APBB1: variants seen among roughly 807,000 people sequenced by gnomAD.
APBB1 encodes the protein adaptor protein FE65a2.
Under a neutral mutation model 78.4 loss-of-function variants are expected in APBB1, and 22 were observed. The ratio of observed to expected loss-of-function variants is 0.28; its 90% confidence interval spans 0.20 to 0.40. The LOEUF (loss-of-function observed/expected upper bound fraction) is 0.40. Ranked by LOEUF, APBB1 falls within the 10% of genes least tolerant of loss-of-function variation. The pLI is 1.00. For synonymous variants in APBB1, 369 were observed against 372.7 expected (o/e 0.99, Z 0.12); for missense variants, 749 against 932.4 (o/e 0.80, Z 2.56).
Position 6,403,985 on chromosome 11 carries a change from C to T in APBB1, c.722-163G>A. Reference sequence around the variant, plus strand: ...CCTAGAGCCTATAGTCTGGAGTCACCACATGTGGGGCCACCAGTAGGGGAC... The same window carrying T: ...CCTAGAGCCTATAGTCTGGAGTCACTACATGTGGGGCCACCAGTAGGGGAC... On this transcript the variant is annotated intron_variant, in intron 2 of 14. Coordinates refer to ENST00000609360, the MANE Select transcript of APBB1 (RefSeq NM_001164.5). The surrounding 1 kb of genome is among the most constrained non-coding windows in gnomAD (Gnocchi z 5.3). The T allele has an allele frequency of 1.4e-6, 1 of 707,638 alleles. No homozygotes were observed. The highest frequency in any genetic ancestry group is 2.1e-6 in the Non-Finnish European group (1 of 466,784). The allele number at this position is 707,638 out of a possible 1,614,324, so 43.8% of individuals were successfully genotyped here. A position where few individuals can be genotyped will look rare whatever the true frequency, so the allele number is the denominator to read the frequency against.
At chr11:6,406,201 C>A (rs1564942959) in intron 2 of APBB1, among the ~76,000 whole-genome samples, 1 of 152,226 alleles carries the variant, frequency 6.6e-6, no homozygotes, top group Non-Finnish European at 1.5e-5. Context: ...TTCACTCCTG[C>A]ATCGATTCAT....
intron 12 of APBB1, 54 bp downstream of exon 12, chr11:6,400,935 G>C (rs1848467499): frequency 1.3e-6 from 2 of 1,529,350 alleles, no homozygotes; most frequent in South Asian, 2.2e-5. Context: ...AGAGGGTAGG[G>C]GCAGAGTTTT....
At position 6,395,994 on chromosome 11, in the gene APBB1, A is replaced by T. The variant is rs1471354611; in HGVS notation, c.1789-32T>A. On this transcript the variant is annotated intron_variant, in intron 13 of 14. Coordinates refer to ENST00000609360, the MANE Select transcript of APBB1 (RefSeq NM_001164.5). The surrounding 1 kb of genome is among the most constrained non-coding windows in gnomAD (Gnocchi z 5.2). Reference sequence around the variant, plus strand: ...GGAGGGAACTCAGTTAAAAAGGAACACCAACCCCACACTGTGTTCCACATC... The same window carrying T: ...GGAGGGAACTCAGTTAAAAAGGAACTCCAACCCCACACTGTGTTCCACATC... The T allele has an allele frequency of 6.2e-7, 1 of 1,608,880 alleles. No individual in the cohort carries two copies. The highest frequency in any genetic ancestry group is 1.7e-5 in the Admixed American group (1 of 59,766).
chr11:6,403,600 C>T lies in APBB1; in HGVS notation c.897+47G>A. 2 of 1,613,778 alleles carry T rather than the reference C, an allele frequency of 1.2e-6. No individual in the cohort carries two copies. Among genetic ancestry groups the T allele is most frequent in the Non-Finnish European group, 1.7e-6 (2 of 1,179,724 alleles). ...TGTCCTATCCTACTCCAGCAGCACA[C>T]ACTCCCTCCACCCCTGGCCCAAAAT... On this transcript the variant is annotated intron_variant, in intron 3 of 14. Transcript: ENST00000609360. The surrounding 1 kb of genome is among the most constrained non-coding windows in gnomAD (Gnocchi z 5.3).
At position 6,403,605 on chromosome 11, in the gene APBB1, C is replaced by T. The variant is rs762761552; in HGVS notation, c.897+42G>A. 4 of 1,613,346 alleles carry T rather than the reference C, an allele frequency of 2.5e-6. No homozygotes were observed. In the South Asian group the frequency reaches 3.3e-5, roughly 13 times the overall value. On this transcript the variant is annotated intron_variant, in intron 3 of 14. Coordinates refer to ENST00000609360, the MANE Select transcript of APBB1 (RefSeq NM_001164.5). This position sits in a 1 kb window ranked among gnomAD's most constrained non-coding sequence, Gnocchi z 5.3. The stretch of plus-strand genomic sequence containing the variant: ...TATCCTACTCCAGCAGCACACACTC[C>T]CTCCACCCCTGGCCCAAAATCAACA...
At chr11:6,399,564 AG>A (rs1276215593) in intron 12 of APBB1, among the ~76,000 whole-genome samples, 16 of 152,146 alleles carry the variant, frequency 1.1e-4, no homozygotes, top group Non-Finnish European at 2.1e-4. Flanking sequence ...TTGTTGCCCA[AG>A]ATACTCTCAT....
chr11:6,415,490 G>A (rs1311802745), intron 1 of APBB1, among the ~76,000 whole-genome samples: 2 of 152,208 alleles, frequency 1.3e-5, no homozygotes, highest in East Asian at 3.8e-4. Context: ...ATCTAGAACA[G>A]TGCCTGGCAC....
rs1386426919 is a variant in APBB1 at position 6,404,592 on chromosome 11, C to T, written c.722-770G>A. The T allele has an allele frequency of 2.6e-6, 4 of 1,536,014 alleles. No homozygotes were observed. In the Admixed American group the frequency reaches 5.9e-5, roughly 23 times the overall value. On this transcript the variant is annotated intron_variant, in intron 2 of 14. Coordinates refer to ENST00000609360, the MANE Select transcript of APBB1 (RefSeq NM_001164.5). ...CACAGATGCAAGCAAACATGTCATG[C>T]ACATACACACATACCTCGCATCTGT...
intron 2 of APBB1, chr11:6,404,186 T>A (rs1386829947): frequency 2.8e-6 from 1 of 361,862 alleles, no homozygotes. Context: ...TTCTAGCTCC[T>A]GCACACGTAC....
At chr11:6,404,008 G>A (rs1391419442) in intron 2 of APBB1, 186 bp from the exon 3 acceptor site, 6 of 562,086 alleles carry the variant, frequency 1.1e-5, no homozygotes, top group Non-Finnish European at 1.5e-5. Flanking sequence ...ACCAGTAGGG[G>A]ACATGGCTCA....
intron 2 of APBB1, chr11:6,404,726 A>T (rs1216823265): frequency 6.5e-7 from 1 of 1,536,184 alleles, no homozygotes; most frequent in Non-Finnish European, 8.7e-7. Flanking sequence ...ATGAGGCCCA[A>T]CCTCATGCTG....
intron 7 of APBB1, 177 bp from the exon 8 acceptor site, chr11:6,402,386 C>A: frequency 8.9e-7 from 1 of 1,124,556 alleles, no homozygotes; most frequent in Non-Finnish European, 1.3e-6. Flanking sequence ...ACATTGACTC[C>A]ACCGTTGTTA....
At chr11:6,414,650 T>G (rs904160941) in intron 1 of APBB1, among the ~76,000 whole-genome samples, 1 of 151,170 alleles carries the variant, frequency 6.6e-6, no homozygotes, top group Non-Finnish European at 1.5e-5. Context: ...GGTCCCTGAG[T>G]GGGAAGTAAG....
At chr11:6,416,804 A>C (rs543369459) in intron 1 of APBB1, among the ~76,000 whole-genome samples, 1 of 151,918 alleles carries the variant, frequency 6.6e-6, no homozygotes, top group South Asian at 2.1e-4. Context: ...TGCAGTGGCA[A>C]GATCTCGGCT....
intron 1 of APBB1, among the ~76,000 whole-genome samples, chr11:6,417,357 T>C (rs779224906): frequency 6.6e-6 from 1 of 152,208 alleles, no homozygotes; most frequent in Non-Finnish European, 1.5e-5. Context: ...CTACTGCTCT[T>C]GTGCGTTCTC....
chr11:6,415,492 G>A (rs1393905737), intron 1 of APBB1, among the ~76,000 whole-genome samples: 1 of 152,194 alleles, frequency 6.6e-6, no homozygotes, highest in Admixed American at 6.5e-5. Flanking sequence ...CTAGAACAGT[G>A]CCTGGCACCC....
Position 6,395,166 on chromosome 11 carries a change from G to T in APBB1, c.*368C>A. 1 of 238,446 alleles carries T rather than the reference G, an allele frequency of 4.2e-6. No individual in the cohort carries two copies. The allele number at this position is 238,446 out of a possible 1,614,324, so 14.8% of individuals were successfully genotyped here. A position where few individuals can be genotyped will look rare whatever the true frequency, so the allele number is the denominator to read the frequency against. On this transcript the variant is annotated 3_prime_UTR_variant, in exon 15 of 15. Transcript: ENST00000609360. This position sits in a 1 kb window ranked among gnomAD's most constrained non-coding sequence, Gnocchi z 5.2. Reference sequence around the variant, plus strand: ...TTATTAGTGATATCAATACAGCAGAGGTGCCCATGGAGCAGGGGGAAGGGA... The same window carrying T: ...TTATTAGTGATATCAATACAGCAGATGTGCCCATGGAGCAGGGGGAAGGGA...
chr11:6,396,045 C>G, intron 13 of APBB1, 55 bp downstream of exon 13: 1 of 1,599,266 alleles, frequency 6.3e-7, no homozygotes, highest in Admixed American at 1.7e-5. Context: ...TCCCCTCACC[C>G]CCAGTCTCCC....
At chr11:6,410,349 G>C (rs1848925607) in intron 2 of APBB1, among the ~76,000 whole-genome samples, 1 of 152,204 alleles carries the variant, frequency 6.6e-6, no homozygotes, top group Middle Eastern at 3.2e-3. Flanking sequence ...AAAATGCTGA[G>C]CAGAGGGCCA....
Sources: allele counts gnomAD v4.1 joint callset (sites outside exome capture counted in the v4.1 genomes callset), GRCh38; gene constraint gnomAD v4.1.1; non-coding constraint Gnocchi (gnomAD v3.1); transcripts MANE v1.5; gene names NCBI Gene and HGNC (gene_info 2026-07-23, HGNC 2026-07-21).